THRB: variants seen among roughly 807,000 people sequenced by gnomAD.
The protein encoded by THRB is thyroid hormone receptor beta.
A neutral mutation model predicts 47.8 loss-of-function variants in THRB; 12 were observed. The observed-to-expected ratio is 0.25, with a 90% CI of 0.16 to 0.41. The LOEUF is 0.41. THRB is among the 10% of genes least tolerant of loss of function. The pLI is 1.00. For missense variants in THRB, 348 were observed against 589.2 expected (o/e 0.59, Z 4.24); for synonymous variants, 218 against 212.2 (o/e 1.03, Z -0.24).
At chr3:24,298,562 C>T (rs1023721720) in intron 2 of THRB, among the ~76,000 whole-genome samples, 1 of 152,230 alleles carries the variant, frequency 6.6e-6, no homozygotes, top group Non-Finnish European at 1.5e-5. Context: ...GGAAGAAATA[C>T]CGTCTCTGAT....
At position 24,146,303 on chromosome 3, in the gene THRB, T is replaced by C. The variant is rs558442321; in HGVS notation, c.532+372A>G. ...CTCTACCCCATGTGAACACTGTGTA[T>C]AGAATGATACCTTATCAAGGTAAAT... On this transcript the variant is annotated intron_variant, in intron 7 of 10. Coordinates refer to ENST00000646209, the MANE Select transcript of THRB (RefSeq NM_001354712.2). Among the ~76,000 whole-genome samples, 5 of 152,362 alleles carry C rather than the reference T, an allele frequency of 3.3e-5. No individual in the cohort carries two copies. In the South Asian group the frequency reaches 1.0e-3, roughly 32 times the overall value.
chr3:24,306,859 C>A (rs4575827), intron 2 of THRB, among the ~76,000 whole-genome samples: 37,974 of 152,008 alleles, frequency 0.25, 5,451 homozygotes, highest in East Asian at 0.41. Flanking sequence ...TACTTTCCTA[C>A]AATTAACTGA....
At chr3:24,304,247 T>A (rs1451682073) in intron 2 of THRB, among the ~76,000 whole-genome samples, 1 of 152,168 alleles carries the variant, frequency 6.6e-6, no homozygotes, top group African/African-American at 2.4e-5. Flanking sequence ...AAAATAGATT[T>A]CTGATTGTCC....
At chr3:24,347,178 A>G (rs557753011) in intron 1 of THRB, among the ~76,000 whole-genome samples, 1 of 152,174 alleles carries the variant, frequency 6.6e-6, no homozygotes, top group African/African-American at 2.4e-5. Context: ...TGGAAATTAG[A>G]CAATATTATT....
chr3:24,473,983 A>T (rs9878769), intron 1 of THRB, among the ~76,000 whole-genome samples: 1 of 152,154 alleles, frequency 6.6e-6, no homozygotes, highest in African/African-American at 2.4e-5. Flanking sequence ...TAGGGGAGGG[A>T]TAGCATTAGA....
rs182603177 is a variant in THRB at position 24,323,536 on chromosome 3, G to A, written c.-189+13764C>T. Among the ~76,000 whole-genome samples the A allele has an allele frequency of 2.6e-3, 399 of 152,328 alleles. 3 individuals are homozygous for A. Among genetic ancestry groups the A allele is most frequent in the Non-Finnish European group, 4.3e-3 (294 of 68,030 alleles). ...GATCTGGAGTGAGTCCTGAGATTCT[G>A]CATTCCTAACCAGCTCCCTGGTGGG... On this transcript the variant is annotated intron_variant, in intron 2 of 10. Transcript: ENST00000646209.
At chr3:24,371,418 C>T (rs1577151673) in intron 1 of THRB, among the ~76,000 whole-genome samples, 1 of 151,960 alleles carries the variant, frequency 6.6e-6, no homozygotes, top group East Asian at 1.9e-4. Flanking sequence ...TATCACATTC[C>T]TTGAAGTATA....
chr3:24,151,600 G>A (rs1348036663), intron 6 of THRB, among the ~76,000 whole-genome samples: 2 of 152,104 alleles, frequency 1.3e-5, no homozygotes, highest in South Asian at 2.1e-4. Context: ...GAACAGACAC[G>A]AAATACAGCA....
intron 4 of THRB, among the ~76,000 whole-genome samples, chr3:24,209,929 A>G (rs543929984): frequency 3.2e-4 from 49 of 152,366 alleles, no homozygotes; most frequent in African/African-American, 1.2e-3. Context: ...AGTAACCAAA[A>G]TAAGAAAAAA....
At chr3:24,436,337 C>A (rs1053069111) in intron 1 of THRB, among the ~76,000 whole-genome samples, 6 of 152,100 alleles carry the variant, frequency 3.9e-5, no homozygotes, top group African/African-American at 1.4e-4. Flanking sequence ...ACTCTACATT[C>A]CTCATAGTCT....
intron 1 of THRB, among the ~76,000 whole-genome samples, chr3:24,416,558 T>A (rs1227372129): frequency 6.6e-6 from 1 of 151,928 alleles, no homozygotes; most frequent in East Asian, 2.0e-4. Flanking sequence ...ACTAATCCAG[T>A]TGTTTAATAG....
At chr3:24,369,033 T>A (rs1372736765) in intron 1 of THRB, among the ~76,000 whole-genome samples, 1 of 152,128 alleles carries the variant, frequency 6.6e-6, no homozygotes, top group African/African-American at 2.4e-5. Context: ...TTAAAATTAT[T>A]TATTATTTAA....
At chr3:24,222,722 A>C (rs2047280806) in intron 4 of THRB, among the ~76,000 whole-genome samples, 1 of 152,220 alleles carries the variant, frequency 6.6e-6, no homozygotes, top group African/African-American at 2.4e-5. Flanking sequence ...AAGTGACAGC[A>C]TGCAGAGGGA....
chr3:24,190,342 G>A lies in THRB; in HGVS notation c.23-8C>T. ...AGGCTGTAAGGCCATTTTCTAAAGG[G>A]TTGAAAAACACGAGATGACGAGCTG... On this transcript the variant is annotated splice_polypyrimidine_tract_variant and splice_region_variant and intron_variant, in intron 4 of 10. Transcript: ENST00000646209. The A allele has an allele frequency of 1.2e-6, 2 of 1,614,042 alleles. No homozygotes were observed. The highest frequency in any genetic ancestry group is 1.7e-6 in the Non-Finnish European group (2 of 1,179,908).
chr3:24,191,418 A>G lies in THRB; in HGVS notation c.23-1084T>C, dbSNP rs912878074. On this transcript the variant is annotated intron_variant, in intron 4 of 10. Coordinates refer to ENST00000646209, the MANE Select transcript of THRB (RefSeq NM_001354712.2). ...TTCAGAGTTTATATGGTCTTTTTAA[A>G]GTGATCATAATTCACAAATTTATAT... Among the ~76,000 whole-genome samples the G allele has an allele frequency of 2.6e-5, 4 of 152,116 alleles. No individual in the cohort carries two copies. The East Asian group carries it at 5.8e-4, about 22-fold the overall frequency.
At chr3:24,180,952 A>C (rs994835485) in intron 5 of THRB, among the ~76,000 whole-genome samples, 1 of 152,110 alleles carries the variant, frequency 6.6e-6, no homozygotes, top group Admixed American at 6.5e-5. Context: ...GGTCACCAAC[A>C]CCTTCAGGGG....
rs545127528 is a variant in THRB at position 24,218,340 on chromosome 3, C to CTTTTT, written c.22+10597_22+10598insAAAAA. On this transcript the variant is annotated intron_variant, in intron 4 of 10. Transcript: ENST00000646209. Reference sequence around the variant, plus strand: ...AAATTTTTTGTCTCTCTCTCTCTCTCTCTTTTTTTTTTTTTTTTTTTTAAA... The same window carrying CTTTTT: ...AAATTTTTTGTCTCTCTCTCTCTCTCTTTTTTCTTTTTTTTTTTTTTTTTTTTAAA... 2.0e-4 allele frequency among the ~76,000 whole-genome samples: 24 copies of CTTTTT among 117,284 alleles called. 1 individual carries two copies. Among genetic ancestry groups the CTTTTT allele is most frequent in the East Asian group, 1.4e-3 (6 of 4,432 alleles). 76.9% of individuals were successfully genotyped at this position (117,284 alleles called of 152,430 possible).
intron 3 of THRB, among the ~76,000 whole-genome samples, chr3:24,259,359 G>C (rs1292301690): frequency 6.6e-6 from 1 of 152,120 alleles, no homozygotes; most frequent in Non-Finnish European, 1.5e-5. Context: ...TAAGCTTAGA[G>C]CAAAAACGTT....
intron 3 of THRB, among the ~76,000 whole-genome samples, chr3:24,257,885 A>G (rs1177952461): frequency 6.6e-6 from 1 of 152,240 alleles, no homozygotes; most frequent in African/African-American, 2.4e-5. Context: ...ATTCAGCTTC[A>G]GCTTGGAGAA....
Sources: gnomAD v4.1 joint callset for allele counts (sites outside exome capture counted in the v4.1 genomes callset) on GRCh38, gnomAD v4.1.1 for gene constraint, MANE v1.5 for transcripts, NCBI Gene and HGNC (gene_info 2026-07-23, HGNC 2026-07-21) for gene names.